The following DIAPH2 variants were observed in gnomAD, a reference collection of about 807,000 sequenced individuals.
DIAPH2 encodes the protein protein diaphanous homolog 2.
In DIAPH2, 35 loss-of-function variants were observed where a neutral mutation model predicts 92.7. That is an observed-to-expected ratio of 0.38 (90% CI 0.29 to 0.50). The LOEUF (loss-of-function observed/expected upper bound fraction) is 0.50, where lower values mean the gene tolerates loss of function less well. Ranked by LOEUF, DIAPH2 falls within the 20% of genes least tolerant of loss-of-function variation. The pLI is 0.94. For synonymous variants in DIAPH2, 301 were observed against 280.4 expected (o/e 1.07, Z -0.73); for missense variants, 701 against 819.5 (o/e 0.86, Z 1.77).
At chrX:97,093,043 C>G in intron 19 of DIAPH2, among the ~76,000 whole-genome samples, 1 of 58,809 alleles carries the variant, frequency 1.7e-5, no homozygotes, top group Non-Finnish European at 5.1e-5. Flanking sequence ...TAAAAATCAG[C>G]CAGGCCTGGT....
chrX:96,787,638 A>G (rs2064466491), intron 4 of DIAPH2, among the ~76,000 whole-genome samples: 1 of 105,210 alleles, frequency 9.5e-6, no homozygotes, highest in African/African-American at 3.5e-5. Flanking sequence ...AATGTAATTT[A>G]TTCACCAATC....
chrX:96,705,826 C>G (rs2063882360), intron 1 of DIAPH2, among the ~76,000 whole-genome samples: 2 of 111,724 alleles, frequency 1.8e-5, no homozygotes, highest in African/African-American at 6.5e-5. Context: ...AATATAGATA[C>G]AGGAGTCCCA....
chrX:96,993,110 A>G (rs1257960157), intron 17 of DIAPH2, among the ~76,000 whole-genome samples: 1 of 112,482 alleles, frequency 8.9e-6, no homozygotes, highest in Non-Finnish European at 1.9e-5. Context: ...CAGTGTGACA[A>G]GACACTCTGA....
intron 17 of DIAPH2, among the ~76,000 whole-genome samples, chrX:97,001,560 C>T (rs1046485730): frequency 1.8e-5 from 2 of 110,855 alleles, no homozygotes; most frequent in Non-Finnish European, 3.8e-5. Context: ...GCAGGAGAAT[C>T]GATTGAACCT....
chrX:96,727,620 A>G (rs961209529), intron 1 of DIAPH2, among the ~76,000 whole-genome samples: 1 of 112,079 alleles, frequency 8.9e-6, no homozygotes, highest in Non-Finnish European at 1.9e-5. Flanking sequence ...AGCTATATTT[A>G]TCTATTTCTT....
At chrX:97,059,763 C>T (rs190069162) in intron 17 of DIAPH2, among the ~76,000 whole-genome samples, 1 of 111,654 alleles carries the variant, frequency 9.0e-6, no homozygotes, top group Admixed American at 9.5e-5. Context: ...TCATTCTTGT[C>T]ATCTTCATGT....
chrX:97,023,044 G>A (rs979516953), intron 17 of DIAPH2, among the ~76,000 whole-genome samples: 1 of 111,352 alleles, frequency 9.0e-6, no homozygotes, highest in African/African-American at 3.3e-5. Flanking sequence ...GTGAAACCCT[G>A]TTTCTTTATG....
chrX:97,337,858 C>T (rs1375556449), intron 23 of DIAPH2, among the ~76,000 whole-genome samples: 1 of 107,631 alleles, frequency 9.3e-6, no homozygotes, highest in Non-Finnish European at 1.9e-5. Context: ...AGCCATGCCT[C>T]AGTTTTATAA....
chrX:97,505,247 G>T (rs1342997350), intron 26 of DIAPH2, among the ~76,000 whole-genome samples: 1 of 111,769 alleles, frequency 8.9e-6, no homozygotes, highest in Non-Finnish European at 1.9e-5. Context: ...TCATTACGGG[G>T]CATGATACCA....
intron 26 of DIAPH2, among the ~76,000 whole-genome samples, chrX:97,459,384 T>G (rs1280579472): frequency 8.9e-6 from 1 of 112,372 alleles, no homozygotes. Flanking sequence ...TCTGCCTCAG[T>G]ATTCTCACAT....
At chrX:97,062,927 G>A (rs1395203719) in intron 17 of DIAPH2, among the ~76,000 whole-genome samples, 4 of 106,884 alleles carry the variant, frequency 3.7e-5, no homozygotes, top group Admixed American at 2.0e-4. Context: ...CCAGCTACTC[G>A]GGAGGCTGAG....
At chrX:97,369,074 A>G (rs1369872145) in intron 24 of DIAPH2, among the ~76,000 whole-genome samples, 3 of 108,717 alleles carry the variant, frequency 2.8e-5, no homozygotes, top group Non-Finnish European at 5.7e-5. Flanking sequence ...CGCCTGGCTG[A>G]TTTTTGTATT....
At chrX:96,971,043 A>G (rs544185470) in intron 17 of DIAPH2, among the ~76,000 whole-genome samples, 1 of 111,940 alleles carries the variant, frequency 8.9e-6, no homozygotes, top group Non-Finnish European at 1.9e-5. Context: ...TTGAGCATTT[A>G]CGCTTTTGAT....
chrX:96,735,675 T>G, intron 1 of DIAPH2, 83 bp from the exon 2 acceptor site: 1 of 560,228 alleles, frequency 1.8e-6, no homozygotes, highest in South Asian at 3.1e-5. Context: ...AAAATGAAAA[T>G]TATTAAATTA....
chrX:97,373,169 G>C (rs1244638833), intron 24 of DIAPH2, among the ~76,000 whole-genome samples: 1 of 111,482 alleles, frequency 9.0e-6, no homozygotes, highest in Non-Finnish European at 1.9e-5. Context: ...CAAATGTCAT[G>C]GATATCGGGC....
intron 22 of DIAPH2, among the ~76,000 whole-genome samples, chrX:97,164,156 A>T (rs182730971): frequency 8.9e-6 from 1 of 111,971 alleles, no homozygotes; most frequent in East Asian, 2.8e-4. Context: ...TTCCATTTCA[A>T]AGCTAGTCTC....
chrX:96,918,749 T>G (rs2065521824), intron 9 of DIAPH2, 132 bp downstream of exon 9: 1 of 434,669 alleles, frequency 2.3e-6, no homozygotes, highest in Non-Finnish European at 3.9e-6. Context: ...GTTGCTAGTT[T>G]GTGAGAATTG....
intron 25 of DIAPH2, among the ~76,000 whole-genome samples, chrX:97,422,965 T>C (rs1037808651): frequency 8.9e-6 from 1 of 111,742 alleles, no homozygotes; most frequent in African/African-American, 3.3e-5. Flanking sequence ...TATTCATTCA[T>C]GATACAGCAA....
intron 1 of DIAPH2, among the ~76,000 whole-genome samples, chrX:96,686,395 A>C (rs1424888791): frequency 9.0e-6 from 1 of 111,526 alleles, no homozygotes; most frequent in Non-Finnish European, 1.9e-5. Context: ...CTTTCGAGAA[A>C]AAAAAAAACA....
Sources: allele counts gnomAD v4.1 joint callset (sites outside exome capture counted in the v4.1 genomes callset), GRCh38; gene constraint gnomAD v4.1.1; transcripts MANE v1.5; gene names NCBI Gene and HGNC (gene_info 2026-07-23, HGNC 2026-07-21).